Variants in PCDHA10 observed in about 807,000 individuals in gnomAD.
PCDHA10 encodes protocadherin alpha-10.
In PCDHA10, 45 loss-of-function variants were observed where a neutral mutation model predicts 61.2. The ratio of observed to expected loss-of-function variants is 0.74; its 90% CI spans 0.58 to 0.94. PCDHA10 has a LOEUF of 0.94. PCDHA10 is among the 40% of genes least tolerant of loss of function. The probability of loss-of-function intolerance (pLI) is 0.00; values close to 1 mark genes in which losing one functional copy is unlikely to be tolerated. For synonymous variants in PCDHA10, 602 were observed against 548.8 expected (o/e 1.10, Z -1.35); for missense variants, 1,278 against 1,236.2 (o/e 1.03, Z -0.51).
intron 1 of PCDHA10, chr5:140,927,588 A>G (rs914756357): frequency 1.9e-6 from 3 of 1,614,210 alleles, no homozygotes; most frequent in East Asian, 2.2e-5. Context: ...ACGCGCCTGT[A>G]TTTGAGCGCT....
At chr5:140,890,752 G>A (rs2062783323) in intron 1 of PCDHA10, among the ~76,000 whole-genome samples, 1 of 151,990 alleles carries the variant, frequency 6.6e-6, no homozygotes, top group East Asian at 1.9e-4. Context: ...TTTCTGTCAT[G>A]CTTTAAAAAT....
rs1399480801 is a variant in PCDHA10, at chr5:140,951,947, C to T, written c.2389-27002C>T. On this transcript the variant is annotated intron_variant, in intron 1 of 3. Transcript: ENST00000307360. ...TTACTCCCAAGATACAGTGCGGGTA[C>T]AGGCATTGGGTAAATACTCCTGTTC... is the stretch of plus-strand genomic sequence containing the variant. 5.3e-5 allele frequency among the ~76,000 whole-genome samples: 8 copies of T among 152,250 alleles called. No individual in the cohort carries two copies. In the East Asian group the frequency reaches 1.5e-3, roughly 29 times the overall value.
At chr5:140,994,387 C>G (rs192635308) in intron 3 of PCDHA10, among the ~76,000 whole-genome samples, 1 of 152,174 alleles carries the variant, frequency 6.6e-6, no homozygotes, top group South Asian at 2.1e-4. Context: ...GGGACTAAGT[C>G]AGAGATTATT....
chr5:140,883,126 G>A (rs781992873), intron 1 of PCDHA10: 2 of 1,614,036 alleles, frequency 1.2e-6, no homozygotes, highest in South Asian at 1.1e-5. Context: ...GGCCTGTATG[G>A]CCTGCAGTGG....
intron 1 of PCDHA10, chr5:140,870,530 T>C (rs2052115440): frequency 6.2e-7 from 1 of 1,614,198 alleles, no homozygotes; most frequent in African/African-American, 1.3e-5. Flanking sequence ...ATCTTCACAG[T>C]GTCGGCGCGG....
In PCDHA10 at chr5:141,011,172, A is replaced by G. The variant is rs377766708; in HGVS notation, c.*1235A>G. On this transcript the variant is annotated 3_prime_UTR_variant, in exon 4 of 4. Transcript: ENST00000307360. ...TCTAACCAACTATATATCAAGACCC[A>G]AAAATTGAAGAAAAATATTGTTTTC... 53 of 153,852 alleles carry G rather than the reference A, an allele frequency of 3.4e-4. No individual in the cohort carries two copies. Among genetic ancestry groups the G allele is most frequent in the African/African-American group, 1.2e-3 (51 of 41,568 alleles). 9.5% of individuals were successfully genotyped at this position (153,852 alleles called of 1,614,324 possible).
chr5:140,858,375 C>T lies in PCDHA10; in HGVS notation c.2327C>T (p.Pro776Leu), dbSNP rs1252920038. The T allele has an allele frequency of 2.5e-6, 4 of 1,587,834 alleles. No homozygotes were observed. The highest frequency in any genetic ancestry group is 3.4e-6 in the Non-Finnish European group (4 of 1,161,174). The change falls in exon 1 of 4, where the codon CCA becomes CTA. Residue 776 changes from proline (P) to leucine (L), a missense_variant. Pro to Leu is a moderately conservative substitution (Grantham distance 98, BLOSUM62 -3). Coordinates refer to ENST00000307360, the MANE Select transcript of PCDHA10 (RefSeq NM_018901.4). ...ATGGCCTTCAGCCCCAGCCTTCCAC[C>T]ATGCCCAATGGTAGATGTGGACGGG... ...DLMAFSPSLP[P>L]CPMVDVDGED...
chr5:140,863,047 C>T, intron 1 of PCDHA10: 1 of 560,864 alleles, frequency 1.8e-6, no homozygotes. Context: ...TGTCAGCTGG[C>T]AGCACCCGTT....
At chr5:140,995,214 C>T (rs1193715389) in intron 3 of PCDHA10, among the ~76,000 whole-genome samples, 2 of 152,136 alleles carry the variant, frequency 1.3e-5, no homozygotes, top group Admixed American at 6.6e-5. Flanking sequence ...AGGCACAATA[C>T]TCTTGTGCTT....
chr5:140,987,636 C>A (rs569411440), intron 3 of PCDHA10, among the ~76,000 whole-genome samples: 1 of 152,256 alleles, frequency 6.6e-6, no homozygotes, highest in African/African-American at 2.4e-5. Context: ...TGAGATAATG[C>A]ACACATATTG....
At chr5:141,002,014 C>T (rs1025365420) in intron 3 of PCDHA10, among the ~76,000 whole-genome samples, 1 of 152,220 alleles carries the variant, frequency 6.6e-6, no homozygotes, top group Non-Finnish European at 1.5e-5. Context: ...AGAATCTGCA[C>T]AGCCTTCGGT....
At position 140,927,496 on chromosome 5, in the gene PCDHA10, G is replaced by A. The variant is rs1206944698; in HGVS notation, c.2389-51453G>A. ...CGAACAGCGCGCCACCCACCTGCTG[G>A]TGCTTACAGCTCGGGACGGCGGGCT... On this transcript the variant is annotated intron_variant, in intron 1 of 3. Coordinates refer to ENST00000307360, the MANE Select transcript of PCDHA10 (RefSeq NM_018901.4). 10 of 1,614,026 alleles carry A rather than the reference G, an allele frequency of 6.2e-6. No individual in the cohort carries two copies. In the African/African-American group the frequency reaches 8.0e-5, roughly 13 times the overall value.
At chr5:140,882,648 A>C in intron 1 of PCDHA10, 1 of 1,614,216 alleles carries the variant, frequency 6.2e-7, no homozygotes, top group Non-Finnish European at 8.5e-7. Context: ...AGGGACATTA[A>C]CGACAACCCG....
intron 2 of PCDHA10, 175 bp downstream of exon 2, chr5:140,979,182 A>C: frequency 2.6e-5 from 24 of 928,990 alleles, no homozygotes; most frequent in Non-Finnish European, 3.1e-5. Context: ...GCAAATGGTC[A>C]GTGCCAGATG....
intron 1 of PCDHA10, chr5:140,869,588 T>C (rs1404476349): frequency 3.7e-6 from 6 of 1,614,114 alleles, no homozygotes; most frequent in East Asian, 2.2e-5. Context: ...GATGCTGACA[T>C]TGAAGAGAAT....
chr5:140,939,424 A>G lies in PCDHA10; in HGVS notation c.2389-39525A>G, dbSNP rs186047779. 5.0e-4 allele frequency among the ~76,000 whole-genome samples: 76 copies of G among 152,290 alleles called. 1 individual carries two copies. Among genetic ancestry groups the G allele is most frequent in the Admixed American group, 1.3e-4 (2 of 15,302 alleles). On this transcript the variant is annotated intron_variant, in intron 1 of 3. Coordinates refer to ENST00000307360, the MANE Select transcript of PCDHA10 (RefSeq NM_018901.4). ...GTGTAAATCAGCATTTTTTTCTTCC[A>G]TAAGCATTTGAAGAATTAAGAGTGA...
intron 1 of PCDHA10, chr5:140,882,766 G>C (rs782330844): frequency 6.2e-7 from 1 of 1,614,184 alleles, no homozygotes; most frequent in Non-Finnish European, 8.5e-7. Context: ...GAGTAAACTC[G>C]GCATTGACCT....
Position 141,011,476 on chromosome 5 carries a change from A to G in PCDHA10, c.*1539A>G, listed in dbSNP as rs2098420741. On this transcript the variant is annotated 3_prime_UTR_variant, in exon 4 of 4. Coordinates refer to ENST00000307360, the MANE Select transcript of PCDHA10 (RefSeq NM_018901.4). ...CTTTATTGTTGAATGTAATTCCATT[A>G]TATTTCCTTTTGTACACCTGTGAAA... 1 of 153,776 alleles carries G rather than the reference A, an allele frequency of 6.5e-6. No homozygotes were observed. 9.5% of individuals were successfully genotyped at this position (153,776 alleles called of 1,614,324 possible). A position where few individuals can be genotyped will look rare whatever the true frequency, so the allele number is the denominator to read the frequency against.
chr5:140,864,410 A>T (rs1310180872), intron 1 of PCDHA10: 3 of 152,244 alleles, frequency 2.0e-5, no homozygotes, highest in Admixed American at 6.5e-5. Flanking sequence ...AGCAGGGTTG[A>T]GGCAGCTTCG....
Sources: allele counts gnomAD v4.1 joint callset (sites outside exome capture counted in the v4.1 genomes callset), GRCh38; gene constraint gnomAD v4.1.1; transcripts MANE v1.5; gene names NCBI Gene and HGNC (gene_info 2026-07-23, HGNC 2026-07-21).